Variants in PSMB7 observed in about 807,000 individuals in gnomAD.
The protein encoded by PSMB7 is proteasome 20S subunit beta 7.
A neutral mutation model predicts 28.1 loss-of-function variants in PSMB7; 5 were observed. The observed-to-expected ratio is 0.18, with a 90% CI of 0.09 to 0.37. The LOEUF (loss-of-function observed/expected upper bound fraction) is 0.37, where lower values mean the gene tolerates loss of function less well. Ranked by LOEUF, PSMB7 falls within the 10% of genes least tolerant of loss-of-function variation. The pLI is 1.00. For synonymous variants in PSMB7, 122 were observed against 123.7 expected (o/e 0.99, Z 0.09); for missense variants, 275 against 346.2 (o/e 0.79, Z 1.63).
In PSMB7 at chr9:124,369,489, C is replaced by A. The variant is rs547364376; in HGVS notation, c.571-12574G>T. Among the ~76,000 whole-genome samples, 6 of 152,300 alleles carry A rather than the reference C, an allele frequency of 3.9e-5. No homozygotes were observed. The South Asian group carries it at 1.2e-3, about 32-fold the overall frequency. On this transcript the variant is annotated intron_variant, in intron 6 of 7. Coordinates refer to ENST00000259457, the MANE Select transcript of PSMB7 (RefSeq NM_002799.4). ...TGCACCCACTGCTGCAACACAAGCA[C>A]CTCTAATGGAACGTGGCAGCTTTCT...
Position 124,356,503 on chromosome 9 carries a change from G to T in PSMB7, c.722+261C>A, listed in dbSNP as rs537899436. ...GACAGCAGATGATCCAAACCTCTCC[G>T]GCCCCACCTCCCAGCCTAGGGCTCT... is the stretch of plus-strand genomic sequence containing the variant. On this transcript the variant is annotated intron_variant, in intron 7 of 7. Coordinates refer to ENST00000259457, the MANE Select transcript of PSMB7 (RefSeq NM_002799.4). This position sits in a 1 kb window ranked among gnomAD's most constrained non-coding sequence, Gnocchi z 4.4. Among the ~76,000 whole-genome samples the T allele has an allele frequency of 6.6e-5, 10 of 152,216 alleles. No homozygotes were observed. Among genetic ancestry groups the T allele is most frequent in the African/African-American group, 2.4e-4 (10 of 41,538 alleles).
At chr9:124,405,513 G>T in intron 4 of PSMB7, 81 bp from the exon 5 acceptor site, 1 of 951,680 alleles carries the variant, frequency 1.1e-6, no homozygotes, top group Non-Finnish European at 1.7e-6. Flanking sequence ...TGCATGAGAA[G>T]TCAGGTAACA....
intron 4 of PSMB7, among the ~76,000 whole-genome samples, chr9:124,409,379 A>G (rs1284400343): frequency 6.6e-6 from 1 of 152,252 alleles, no homozygotes; most frequent in Admixed American, 6.5e-5. Flanking sequence ...AGTTTCTAGA[A>G]CACACAACAG....
At chr9:124,392,747 T>C (rs1800979033) in intron 5 of PSMB7, among the ~76,000 whole-genome samples, 2 of 152,226 alleles carry the variant, frequency 1.3e-5, no homozygotes, top group Admixed American at 1.3e-4. Flanking sequence ...CATGAAGTTA[T>C]GAGAGGCAGC....
intron 6 of PSMB7, among the ~76,000 whole-genome samples, chr9:124,377,760 G>A (rs1830627453): frequency 6.6e-6 from 1 of 152,240 alleles, no homozygotes; most frequent in Non-Finnish European, 1.5e-5. Context: ...GACGGCTGAA[G>A]TGGCGCTTGT....
chr9:124,355,053 C>T (rs1172159062), intron 7 of PSMB7, among the ~76,000 whole-genome samples: 3 of 152,250 alleles, frequency 2.0e-5, no homozygotes, highest in African/African-American at 7.2e-5. Context: ...GCCTATCGCC[C>T]TGCCCGCACC....
intron 6 of PSMB7, among the ~76,000 whole-genome samples, chr9:124,370,886 T>TA (rs531774717): frequency 5.9e-5 from 9 of 152,212 alleles, no homozygotes; most frequent in Non-Finnish European, 1.3e-4. Flanking sequence ...ATTTTAAACT[T>TA]AATTTTCCAC....
At chr9:124,381,437 C>CA (rs1444325903) in intron 6 of PSMB7, among the ~76,000 whole-genome samples, 1 of 152,208 alleles carries the variant, frequency 6.6e-6, no homozygotes, top group Non-Finnish European at 1.5e-5. Context: ...GAGTGAGTGG[C>CA]AGTTACTGTC....
chr9:124,380,811 T>G (rs1830656491), intron 6 of PSMB7, among the ~76,000 whole-genome samples: 1 of 152,130 alleles, frequency 6.6e-6, no homozygotes, highest in Admixed American at 6.5e-5. Flanking sequence ...TAATTTAAAT[T>G]TTCAAAAAAA....
intron 6 of PSMB7, among the ~76,000 whole-genome samples, chr9:124,365,744 T>C (rs952518798): frequency 3.3e-5 from 5 of 151,728 alleles, no homozygotes; most frequent in Admixed American, 3.3e-4. Flanking sequence ...AGTGAGACCT[T>C]GTCTCTATAA....
intron 6 of PSMB7, among the ~76,000 whole-genome samples, chr9:124,372,833 C>A (rs1258642230): frequency 1.3e-5 from 2 of 152,174 alleles, no homozygotes; most frequent in Non-Finnish European, 2.9e-5. Flanking sequence ...GGAAGACTAA[C>A]GAATCCTAGA....
At chr9:124,370,967 G>A (rs1004557472) in intron 6 of PSMB7, among the ~76,000 whole-genome samples, 1 of 152,128 alleles carries the variant, frequency 6.6e-6, no homozygotes, top group Non-Finnish European at 1.5e-5. Flanking sequence ...TAGCAAATGT[G>A]CAGTGTGTGA....
At chr9:124,404,295 G>C (rs1222009439) in intron 5 of PSMB7, among the ~76,000 whole-genome samples, 1 of 152,042 alleles carries the variant, frequency 6.6e-6, no homozygotes, top group Non-Finnish European at 1.5e-5. Context: ...TATGATCATT[G>C]CAAATTCATA....
Position 124,414,952 on chromosome 9 carries a change from G to A in PSMB7, c.63-17C>T, listed in dbSNP as rs377011748. On this transcript the variant is annotated splice_polypyrimidine_tract_variant and intron_variant, in intron 1 of 7. Transcript: ENST00000259457. ...ACGGCATTCCTAAGAGCAAATGAGA[G>A]AATCAAGTGTTGAAGGGCAGGACCA... 1 of 1,578,398 alleles carries A rather than the reference G, an allele frequency of 6.3e-7. No individual in the cohort carries two copies. Among genetic ancestry groups the A allele is most frequent in the South Asian group, 1.1e-5 (1 of 89,412 alleles).
intron 4 of PSMB7, among the ~76,000 whole-genome samples, chr9:124,409,952 C>T (rs1376533933): frequency 6.6e-6 from 1 of 151,444 alleles, no homozygotes; most frequent in African/African-American, 2.4e-5. Context: ...TAAAATTTAA[C>T]TTTTACAAAG....
intron 6 of PSMB7, among the ~76,000 whole-genome samples, chr9:124,371,407 CAG>C (rs2131151116): frequency 6.6e-6 from 1 of 152,280 alleles, no homozygotes; most frequent in South Asian, 2.1e-4. Flanking sequence ...GGATTTCTAA[CAG>C]AGCCTCACTT....
At chr9:124,353,979 C>A (rs1373379152) in intron 7 of PSMB7, among the ~76,000 whole-genome samples, 2 of 152,172 alleles carry the variant, frequency 1.3e-5, no homozygotes, top group African/African-American at 2.4e-5. Flanking sequence ...ACCCCACCAT[C>A]CCCACAAGTG....
At chr9:124,390,081 T>C (rs377012959) in intron 5 of PSMB7, among the ~76,000 whole-genome samples, 2 of 152,110 alleles carry the variant, frequency 1.3e-5, no homozygotes, top group Non-Finnish European at 2.9e-5. Flanking sequence ...AGAGAAAAGG[T>C]AGAGGCCTAT....
intron 6 of PSMB7, among the ~76,000 whole-genome samples, chr9:124,363,526 T>C (rs753621647): frequency 2.6e-5 from 4 of 151,472 alleles, no homozygotes; most frequent in African/African-American, 9.7e-5. Flanking sequence ...AGAGCAAAGG[T>C]GTCTAGAGTT....
Sources: gnomAD v4.1 joint callset for allele counts (sites outside exome capture counted in the v4.1 genomes callset) on GRCh38, gnomAD v4.1.1 for gene constraint, Gnocchi (gnomAD v3.1) non-coding constraint, MANE v1.5 for transcripts, NCBI Gene and HGNC (gene_info 2026-07-23, HGNC 2026-07-21) for gene names.